MARCHF4: variants seen among roughly 807,000 people sequenced by gnomAD.
The protein encoded by MARCHF4 is E3 ubiquitin-protein ligase MARCHF4.
In MARCHF4, 14 loss-of-function variants were observed where a neutral mutation model predicts 43.9. The ratio of observed to expected loss-of-function variants is 0.32; its 90% CI spans 0.21 to 0.50. The LOEUF is 0.50. Ranked by LOEUF, MARCHF4 falls within the 20% of genes least tolerant of loss-of-function variation. The probability of loss-of-function intolerance (pLI) is 0.98; values close to 1 mark genes in which losing one functional copy is unlikely to be tolerated. For missense variants in MARCHF4, 468 were observed against 536.7 expected (o/e 0.87, Z 1.27); for synonymous variants, 226 against 213.3 (o/e 1.06, Z -0.52).
Position 216,283,684 on chromosome 2 carries a change from T to C in MARCHF4, c.562A>G (p.Thr188Ala). The change falls in exon 2 of 4, where the codon ACA (threonine) becomes GCA (alanine). Residue 188 changes from threonine to alanine, a missense_variant. Transcript: ENST00000273067. ...CACTTGATGAGGCAAGGCTGGTGTGTGCACTTGACCGAGCCATCACAGCGG... is the reference window on the plus strand; with the variant it reads ...CACTTGATGAGGCAAGGCTGGTGTGCGCACTTGACCGAGCCATCACAGCGG... Reference protein sequence around the residue: ...PCRCDGSVKCTHQPCLIKWIS... With the variant: ...PCRCDGSVKCAHQPCLIKWIS... 2 of 1,613,202 alleles carry C rather than the reference T, an allele frequency of 1.2e-6. No individual in the cohort carries two copies. The highest frequency in any genetic ancestry group is 1.3e-5 in the African/African-American group (1 of 75,042).
chr2:216,316,945 G>A (rs1002686523), intron 1 of MARCHF4, among the ~76,000 whole-genome samples: 4 of 152,278 alleles, frequency 2.6e-5, no homozygotes, highest in East Asian at 1.9e-4. Context: ...GGCTACGGAC[G>A]TCTGAGTAAT....
chr2:216,366,863 T>G (rs1692674092), intron 1 of MARCHF4, among the ~76,000 whole-genome samples: 1 of 152,226 alleles, frequency 6.6e-6, no homozygotes. Context: ...AGAAATCTCA[T>G]CTATTTTGTT....
Position 216,291,003 on chromosome 2 carries a change from C to T in MARCHF4, c.517-7274G>A, listed in dbSNP as rs1440173965. Among the ~76,000 whole-genome samples, 4 of 152,078 alleles carry T rather than the reference C, an allele frequency of 2.6e-5. No individual in the cohort carries two copies. The East Asian group carries it at 7.7e-4, about 29-fold the overall frequency. On this transcript the variant is annotated intron_variant, in intron 1 of 3. Coordinates refer to ENST00000273067, the MANE Select transcript of MARCHF4 (RefSeq NM_020814.3). ...TCTGGAGTTTAGGGGAAGGTCCAGG[C>T]TCAAGATATAAATTTGAGAGTCATT...
At chr2:216,276,842 A>G (rs928407640) in intron 3 of MARCHF4, among the ~76,000 whole-genome samples, 3 of 152,112 alleles carry the variant, frequency 2.0e-5, no homozygotes, top group Non-Finnish European at 4.4e-5. Flanking sequence ...AACAGCCACA[A>G]TCATCTGTTG....
At chr2:216,333,960 ATT>A (rs72435745) in intron 1 of MARCHF4, among the ~76,000 whole-genome samples, 12 of 144,052 alleles carry the variant, frequency 8.3e-5, no homozygotes, top group Admixed American at 1.4e-4. Flanking sequence ...GGCTGAAGTA[ATT>A]TTTTTTTTTT....
At chr2:216,296,746 T>C (rs1215146055) in intron 1 of MARCHF4, among the ~76,000 whole-genome samples, 1 of 152,248 alleles carries the variant, frequency 6.6e-6, no homozygotes, top group African/African-American at 2.4e-5. Context: ...TCTTTCTCTA[T>C]GTGGGACTTG....
chr2:216,299,044 G>A (rs1173955699), intron 1 of MARCHF4, among the ~76,000 whole-genome samples: 1 of 152,108 alleles, frequency 6.6e-6, no homozygotes, highest in Non-Finnish European at 1.5e-5. Context: ...ATTCTCATGG[G>A]CAACTGTCAA....
rs149734215 is a variant in MARCHF4 at position 216,307,157 on chromosome 2, C to T, written c.517-23428G>A. Among the ~76,000 whole-genome samples the T allele has an allele frequency of 2.6e-3, 393 of 152,256 alleles. 1 individual carries two copies. The highest frequency in any genetic ancestry group is 9.1e-3 in the African/African-American group (379 of 41,550). Reference sequence around the variant, plus strand: ...CTGGAAGGAGCTCCCATGGCCAGCACGTTAGATGGGCCCTCTCAGGTGTGC... The same window carrying T: ...CTGGAAGGAGCTCCCATGGCCAGCATGTTAGATGGGCCCTCTCAGGTGTGC... On this transcript the variant is annotated intron_variant, in intron 1 of 3. Coordinates refer to ENST00000273067, the MANE Select transcript of MARCHF4 (RefSeq NM_020814.3).
chr2:216,302,867 C>T (rs957511642), intron 1 of MARCHF4, among the ~76,000 whole-genome samples: 6 of 136,148 alleles, frequency 4.4e-5, no homozygotes, highest in Non-Finnish European at 6.0e-5. Flanking sequence ...CACTGCACTC[C>T]AGCCTGGGTG....
chr2:216,328,093 A>C (rs1209004919), intron 1 of MARCHF4, among the ~76,000 whole-genome samples: 1 of 152,178 alleles, frequency 6.6e-6, no homozygotes, highest in Non-Finnish European at 1.5e-5. Flanking sequence ...GTGCTTTTAC[A>C]TCTACTACCT....
At chr2:216,273,267 C>T (rs1223776738) in intron 3 of MARCHF4, among the ~76,000 whole-genome samples, 4 of 152,206 alleles carry the variant, frequency 2.6e-5, no homozygotes, top group Non-Finnish European at 4.4e-5. Flanking sequence ...ATATTCTTTA[C>T]TATCTGTGGC....
In MARCHF4 at chr2:216,370,048, G is replaced by T. The variant is rs745309499; in HGVS notation, c.213C>A (p.Pro71=). 7.1e-6 allele frequency: 11 copies of T among 1,554,138 alleles called. No individual in the cohort carries two copies. In the South Asian group the frequency reaches 1.2e-4, roughly 17 times the overall value. The change falls in exon 1 of 4, where the codon CCC becomes CCA. Residue 71 remains proline, a synonymous_variant. Coordinates refer to ENST00000273067, the MANE Select transcript of MARCHF4 (RefSeq NM_020814.3). ...PLPMHGDPQP[P]GLAANNTLPA... ...GAAGGGTGTTGTTGGCCGCCAAACC[G>T]GGGGGCTGGGGGTCGCCGTGCATGG...
At chr2:216,291,429 T>C (rs1054122045) in intron 1 of MARCHF4, among the ~76,000 whole-genome samples, 1 of 152,112 alleles carries the variant, frequency 6.6e-6, no homozygotes, top group Non-Finnish European at 1.5e-5. Context: ...TATAAAATAG[T>C]CATCCAGGAG....
intron 2 of MARCHF4, 44 bp downstream of exon 2, chr2:216,283,530 A>G: frequency 6.5e-7 from 1 of 1,536,164 alleles, no homozygotes; most frequent in South Asian, 1.3e-5. Flanking sequence ...GGTGGTGTGG[A>G]AGCCCCAGGC....
At chr2:216,361,809 G>A (rs1205731358) in intron 1 of MARCHF4, among the ~76,000 whole-genome samples, 1 of 152,178 alleles carries the variant, frequency 6.6e-6, no homozygotes, top group Non-Finnish European at 1.5e-5. Flanking sequence ...GTGAGAGAGG[G>A]TAGTAGGAAA....
At position 216,289,532 on chromosome 2, in the gene MARCHF4, C is replaced by G. The variant is rs1327024329; in HGVS notation, c.517-5803G>C. ...ACACTGCCAATAACACAGCAAGCTGCAGACGCCAGTCTCCAGTTGTTTCTC... is the reference window on the plus strand; with the variant it reads ...ACACTGCCAATAACACAGCAAGCTGGAGACGCCAGTCTCCAGTTGTTTCTC... On this transcript the variant is annotated intron_variant, in intron 1 of 3. Coordinates refer to ENST00000273067, the MANE Select transcript of MARCHF4 (RefSeq NM_020814.3). 2.0e-5 allele frequency among the ~76,000 whole-genome samples: 3 copies of G among 152,194 alleles called. No individual in the cohort carries two copies. In the East Asian group the frequency reaches 5.8e-4, roughly 29 times the overall value.
At chr2:216,294,252 C>T (rs538752475) in intron 1 of MARCHF4, among the ~76,000 whole-genome samples, 20 of 152,388 alleles carry the variant, frequency 1.3e-4, no homozygotes, top group Middle Eastern at 3.4e-3. Context: ...TTGCCTCTTA[C>T]GAGCAGCCTT....
rs570320877 is a variant in MARCHF4, at chr2:216,340,264, G to C, written c.516+29481C>G. Among the ~76,000 whole-genome samples the C allele has an allele frequency of 7.2e-5, 11 of 152,294 alleles. No individual in the cohort carries two copies. The South Asian group carries it at 2.3e-3, about 32-fold the overall frequency. On this transcript the variant is annotated intron_variant, in intron 1 of 3. Transcript: ENST00000273067. ...GGCCAGAATGAGGGACCTCGGAGTG[G>C]GCTGGGAGGGAGTGGGGGTGGAATT...
intron 1 of MARCHF4, among the ~76,000 whole-genome samples, chr2:216,333,095 C>A (rs1345503440): frequency 1.3e-5 from 2 of 152,050 alleles, no homozygotes; most frequent in Non-Finnish European, 2.9e-5. Flanking sequence ...ATCTTTGGGA[C>A]AGGCAAAATT....
Sources: gnomAD v4.1 joint callset for allele counts (sites outside exome capture counted in the v4.1 genomes callset) on GRCh38, gnomAD v4.1.1 for gene constraint, MANE v1.5 for transcripts, NCBI Gene and HGNC (gene_info 2026-07-23, HGNC 2026-07-21) for gene names.